ATRNL1: variants seen among roughly 807,000 people sequenced by gnomAD.
ATRNL1 encodes attractin-like protein 1.
In ATRNL1, 95 loss-of-function variants were observed where a neutral mutation model predicts 182.7. The ratio of observed to expected loss-of-function variants is 0.52; its 90% CI spans 0.44 to 0.62. The LOEUF (loss-of-function observed/expected upper bound fraction) is 0.62. ATRNL1 is among the 20% of genes least tolerant of loss of function. ATRNL1 has a pLI of 0.00. For synonymous variants in ATRNL1, 576 were observed against 568.3 expected (o/e 1.01, Z -0.19); for missense variants, 1,471 against 1,679.5 (o/e 0.88, Z 2.17).
In ATRNL1 at chr10:115,408,153, G is replaced by A. The variant is rs536383346; in HGVS notation, c.3269+13401G>A. On this transcript the variant is annotated intron_variant, in intron 20 of 28. Transcript: ENST00000355044. ...CGAGTAGCCGGGACTACAGGCGCCC[G>A]CCACCGCGCCCGGCTAATTTTTTGT... is the stretch of plus-strand genomic sequence containing the variant. Among the ~76,000 whole-genome samples, 495 of 151,316 alleles carry A rather than the reference G, an allele frequency of 3.3e-3. 2 individuals are homozygous for A. The highest frequency in any genetic ancestry group is 5.6e-3 in the Non-Finnish European group (380 of 67,744).
At position 115,864,952 on chromosome 10, in the gene ATRNL1, A is replaced by G. The variant is rs1194302459; in HGVS notation, c.4018+16961A>G. ...AGCCGAGATGGTGCCATTGCACTCC[A>G]GCCTGGGCGACAGAGCGAGACTCCG... On this transcript the variant is annotated intron_variant, in intron 28 of 28. Transcript: ENST00000355044. Among the ~76,000 whole-genome samples the G allele has an allele frequency of 5.9e-5, 9 of 151,680 alleles. No homozygotes were observed. In the East Asian group the frequency reaches 1.5e-3, roughly 26 times the overall value.
chr10:115,367,343 T>A (rs1857102659), intron 19 of ATRNL1, among the ~76,000 whole-genome samples: 1 of 140,876 alleles, frequency 7.1e-6, no homozygotes, highest in Non-Finnish European at 1.6e-5. Context: ...CTTCACGTAG[T>A]TCTCGAGCCT....
intron 15 of ATRNL1, among the ~76,000 whole-genome samples, chr10:115,291,949 G>T (rs1201160009): frequency 6.7e-6 from 1 of 149,698 alleles, no homozygotes; most frequent in Non-Finnish European, 1.5e-5. Context: ...AATTATTTTT[G>T]AAAGGTTTGG....
Position 115,170,465 on chromosome 10 carries a change from C to T in ATRNL1, c.1093-572C>T, listed in dbSNP as rs574378467. ...TGTCTATAGCCATTAGAAATGGTAA[C>T]AGAGGTGTACTCTACATGATGCACA... On this transcript the variant is annotated intron_variant, in intron 7 of 28. Coordinates refer to ENST00000355044, the MANE Select transcript of ATRNL1 (RefSeq NM_207303.4). Among the ~76,000 whole-genome samples the T allele has an allele frequency of 2.6e-5, 4 of 152,040 alleles. No individual in the cohort carries two copies. The South Asian group carries it at 6.2e-4, about 24-fold the overall frequency.
intron 28 of ATRNL1, among the ~76,000 whole-genome samples, chr10:115,861,264 T>C (rs1951309552): frequency 6.6e-6 from 1 of 152,142 alleles, no homozygotes; most frequent in Admixed American, 6.6e-5. Flanking sequence ...TATTATAAAA[T>C]TTTTCTTACG....
At chr10:115,864,886 G>A (rs2134400022) in intron 28 of ATRNL1, among the ~76,000 whole-genome samples, 1 of 152,140 alleles carries the variant, frequency 6.6e-6, no homozygotes, top group South Asian at 2.1e-4. Context: ...GGAGGCTGAG[G>A]CAGGAGAATG....
chr10:115,668,089 C>A (rs563308138), intron 26 of ATRNL1, among the ~76,000 whole-genome samples: 1 of 152,090 alleles, frequency 6.6e-6, no homozygotes, highest in Non-Finnish European at 1.5e-5. Context: ...GTAGCCATAT[C>A]CACCATTGAA....
chr10:115,823,222 C>G (rs538223271), intron 27 of ATRNL1, among the ~76,000 whole-genome samples: 9 of 152,150 alleles, frequency 5.9e-5, no homozygotes, highest in Non-Finnish European at 1.2e-4. Flanking sequence ...TGACAAAATT[C>G]AACATCCCTT....
At chr10:115,806,484 A>G (rs1441836841) in intron 27 of ATRNL1, among the ~76,000 whole-genome samples, 1 of 152,186 alleles carries the variant, frequency 6.6e-6, no homozygotes, top group Non-Finnish European at 1.5e-5. Flanking sequence ...GAATAAATAT[A>G]TGCTACAGTT....
chr10:115,354,706 C>T (rs1018050802), intron 19 of ATRNL1, among the ~76,000 whole-genome samples: 1 of 152,044 alleles, frequency 6.6e-6, no homozygotes, highest in East Asian at 1.9e-4. Context: ...CTTTCACCTT[C>T]TTTACCTAAA....
intron 27 of ATRNL1, among the ~76,000 whole-genome samples, chr10:115,790,665 A>G (rs1555081580): frequency 6.6e-6 from 1 of 151,916 alleles, no homozygotes; most frequent in African/African-American, 2.4e-5. Context: ...TAAACTGAAT[A>G]TATTGGTGTC....
chr10:115,598,032 A>G (rs890988345), intron 26 of ATRNL1: 1 of 157,286 alleles, frequency 6.4e-6, no homozygotes, highest in Non-Finnish European at 1.4e-5. Flanking sequence ...ATTGTAAGAC[A>G]TAAGAGCAAT....
chr10:115,184,107 T>C lies in ATRNL1; in HGVS notation c.1348+12815T>C, dbSNP rs539013064. On this transcript the variant is annotated intron_variant, in intron 8 of 28. Coordinates refer to ENST00000355044, the MANE Select transcript of ATRNL1 (RefSeq NM_207303.4). ...GCCAAGCATCTAAGGATGACTATTA[T>C]GAAATATATTAATAAAACTCACTAT... Among the ~76,000 whole-genome samples, 3 of 151,572 alleles carry C rather than the reference T, an allele frequency of 2.0e-5. No individual in the cohort carries two copies. The East Asian group carries it at 5.8e-4, about 29-fold the overall frequency.
intron 24 of ATRNL1, among the ~76,000 whole-genome samples, chr10:115,501,759 A>G (rs1460424485): frequency 9.2e-5 from 14 of 152,202 alleles, no homozygotes; most frequent in Admixed American, 4.6e-4. Flanking sequence ...AAGGATTAGC[A>G]ATGTTTTAAG....
intron 27 of ATRNL1, among the ~76,000 whole-genome samples, chr10:115,738,308 T>A (rs3207012): frequency 6.6e-6 from 1 of 151,342 alleles, no homozygotes; most frequent in African/African-American, 2.4e-5. Flanking sequence ...CCCAGCTAAT[T>A]TTTATATGTT....
rs182367318 is a variant in ATRNL1 at position 115,518,997 on chromosome 10, A to G, written c.3655-266A>G. On this transcript the variant is annotated intron_variant, in intron 24 of 28. Transcript: ENST00000355044. ...TATTTAATCTGTCATAGTATTTCACATGAAACTCTTAGCGTGCATCCTTAA... is the reference window on the plus strand; with the variant it reads ...TATTTAATCTGTCATAGTATTTCACGTGAAACTCTTAGCGTGCATCCTTAA... Among the ~76,000 whole-genome samples the G allele has an allele frequency of 6.6e-5, 10 of 152,104 alleles. No homozygotes were observed. In the East Asian group the frequency reaches 1.3e-3, roughly 21 times the overall value.
intron 26 of ATRNL1, among the ~76,000 whole-genome samples, chr10:115,715,429 T>C (rs1947218627): frequency 6.6e-6 from 1 of 152,198 alleles, no homozygotes; most frequent in African/African-American, 2.4e-5. Flanking sequence ...TCTTTTGATA[T>C]ACGACATGGA....
intron 27 of ATRNL1, among the ~76,000 whole-genome samples, chr10:115,802,020 A>AC (rs1555084464): frequency 4.2e-5 from 3 of 70,648 alleles, no homozygotes; most frequent in Admixed American, 1.8e-4. Context: ...AAAAAAAAAG[A>AC]AACACACACA....
chr10:115,588,481 G>T (rs1352273700), intron 26 of ATRNL1, among the ~76,000 whole-genome samples: 1 of 152,284 alleles, frequency 6.6e-6, no homozygotes, highest in African/African-American at 2.4e-5. Context: ...GTATTCTGTG[G>T]CCTAGGAAGA....
Sources: allele counts gnomAD v4.1 joint callset (sites outside exome capture counted in the v4.1 genomes callset), GRCh38; gene constraint gnomAD v4.1.1; transcripts MANE v1.5; gene names NCBI Gene and HGNC (gene_info 2026-07-23, HGNC 2026-07-21).